ZFPM1: variants seen among roughly 807,000 people sequenced by gnomAD.
ZFPM1 encodes zinc finger protein ZFPM1.
In ZFPM1, 28 loss-of-function variants were observed where a neutral mutation model predicts 46.3. The ratio of observed to expected loss-of-function variants is 0.60; its 90% CI spans 0.45 to 0.83. The LOEUF is 0.83. Among genes scored for constraint, ZFPM1 ranks in the 40% least tolerant of loss-of-function variants. The pLI, the probability that ZFPM1 is intolerant of heterozygous loss-of-function variation, is 0.00. For missense variants in ZFPM1, 1,878 were observed against 1,432.4 expected, an observed-to-expected ratio of 1.31 and a Z score of -5.02; for synonymous variants, 957 against 675.9, an observed-to-expected ratio of 1.42 and a Z score of -6.45.
At chr16:88,532,284 C>A (rs750717841) in intron 7 of ZFPM1, 49 bp downstream of exon 7, 26 of 1,513,598 alleles carry the variant, frequency 1.7e-5, no homozygotes, top group East Asian at 2.3e-5. Context: ...GCTGCTTCCC[C>A]ACCCAGTCCC....
rs558530910 is a variant in ZFPM1 at position 88,489,132 on chromosome 16, G to A, written c.247G>A (p.Gly83Ser). Residue 83 changes from glycine to serine, a missense_variant, in exon 3 of 10, where the codon GGC (glycine) becomes AGC (serine). Gly to Ser is a moderately conservative substitution (Grantham distance 56). Transcript: ENST00000319555. ...PEPRPTEEEP[G>S]SPWSGPDELE... ...ACCCAGGCCCACGGAGGAAGAGCCG[G>A]GCAGTCCCTGGAGCGGGCCAGGTAA... The A allele has an allele frequency of 2.7e-5, 43 of 1,608,078 alleles. No individual in the cohort carries two copies. In the African/African-American group the frequency reaches 3.1e-4, roughly 11 times the overall value.
chr16:88,528,542 C>T (rs960137500), intron 6 of ZFPM1, among the ~76,000 whole-genome samples: 4 of 152,184 alleles, frequency 2.6e-5, no homozygotes, highest in South Asian at 2.1e-4. Context: ...TGGGGGCAGA[C>T]GCGGGGGCGG....
chr16:88,516,470 C>G (rs1911304542), intron 4 of ZFPM1: 1 of 398,284 alleles, frequency 2.5e-6, no homozygotes, highest in African/African-American at 2.1e-5. Context: ...TGTGGGGAGC[C>G]CGGGGAGGAA....
chr16:88,525,185 C>G (rs1597280652), intron 4 of ZFPM1, among the ~76,000 whole-genome samples: 1 of 152,346 alleles, frequency 6.6e-6, no homozygotes, highest in East Asian at 1.9e-4. Flanking sequence ...GTGCCCTGCC[C>G]AAGGTCGCAG....
chr16:88,517,077 G>A (rs1234504555), intron 4 of ZFPM1, among the ~76,000 whole-genome samples: 1 of 152,324 alleles, frequency 6.6e-6, no homozygotes, highest in African/African-American at 2.4e-5. Flanking sequence ...CCACGCCAGG[G>A]GTTGGAGGAA....
chr16:88,506,108 C>T (rs567735714), intron 3 of ZFPM1, among the ~76,000 whole-genome samples: 1 of 152,292 alleles, frequency 6.6e-6, no homozygotes, highest in Admixed American at 6.5e-5. Flanking sequence ...CTCCAGGGTG[C>T]TCTGAGGTTT....
intron 1 of ZFPM1, among the ~76,000 whole-genome samples, chr16:88,458,486 AAGG>A (rs746440545): frequency 6.6e-6 from 1 of 152,336 alleles, no homozygotes; most frequent in Middle Eastern, 3.4e-3. Flanking sequence ...TTGGAGAAGA[AAGG>A]AGGAGGGAAT....
chr16:88,520,223 G>C (rs1057073620), intron 4 of ZFPM1, among the ~76,000 whole-genome samples: 9 of 150,956 alleles, frequency 6.0e-5, no homozygotes, highest in African/African-American at 2.2e-4. Context: ...CAGATGAGTA[G>C]GTAGATGGAT....
chr16:88,491,079 G>A (rs992795719), intron 3 of ZFPM1, among the ~76,000 whole-genome samples: 1 of 151,082 alleles, frequency 6.6e-6, no homozygotes, highest in South Asian at 2.1e-4. Flanking sequence ...GCCTTCGCGG[G>A]TCCCAGTCAG....
At chr16:88,460,283 C>T (rs1402788436) in intron 1 of ZFPM1, among the ~76,000 whole-genome samples, 2 of 152,178 alleles carry the variant, frequency 1.3e-5, no homozygotes, top group Non-Finnish European at 2.9e-5. Context: ...GTTGGCAGGG[C>T]CCGGAGAGCA....
rs746715416 is a variant in ZFPM1 at position 88,532,598 on chromosome 16, G to C, written c.947-16G>C. On this transcript the variant is annotated splice_polypyrimidine_tract_variant and intron_variant, in intron 7 of 9. Coordinates refer to ENST00000319555, the MANE Select transcript of ZFPM1 (RefSeq NM_153813.3). ...AAGCTGGCCCGGGCACCGCTCTTAC[G>C]CGCCCTGTGTTCCAGGAGAGCGGCC... The C allele has an allele frequency of 6.4e-7, 1 of 1,554,162 alleles. No individual in the cohort carries two copies. The highest frequency in any genetic ancestry group is 1.2e-5 in the South Asian group (1 of 84,686).
chr16:88,470,358 G>A (rs1284527675), intron 1 of ZFPM1, among the ~76,000 whole-genome samples: 4 of 152,196 alleles, frequency 2.6e-5, no homozygotes, highest in East Asian at 1.9e-4. Flanking sequence ...GCTGTGTGCT[G>A]GGCATGGTCC....
intron 3 of ZFPM1, among the ~76,000 whole-genome samples, chr16:88,498,700 C>A (rs532742605): frequency 6.6e-6 from 1 of 152,356 alleles, no homozygotes; most frequent in African/African-American, 2.4e-5. Context: ...GCCGGGGGCA[C>A]CCCTCTAATC....
intron 3 of ZFPM1, among the ~76,000 whole-genome samples, chr16:88,494,382 A>G (rs1909806949): frequency 1.3e-5 from 2 of 152,148 alleles, no homozygotes; most frequent in East Asian, 3.9e-4. Flanking sequence ...TCCAGGTGGA[A>G]GCCGGAAGGG....
At chr16:88,487,542 G>T (rs1909301060) in intron 2 of ZFPM1, among the ~76,000 whole-genome samples, 1 of 152,146 alleles carries the variant, frequency 6.6e-6, no homozygotes, top group Non-Finnish European at 1.5e-5. Flanking sequence ...GGGGGTGGGG[G>T]AGAGGTTTCA....
chr16:88,533,190 G>A lies in ZFPM1; in HGVS notation c.1232G>A (p.Gly411Asp), dbSNP rs560441822. Reference sequence around the variant, plus strand: ...CAGCAGCAGCACACGGCCCTGCAAGGCCCCCTGGCCTCCGCGGACCTGGGC... The same window carrying A: ...CAGCAGCAGCACACGGCCCTGCAAGACCCCCTGGCCTCCGCGGACCTGGGC... The part of the protein sequence containing the change: ...SFQQQHTALQ[G>D]PLASADLGLA... The change falls in exon 10 of 10, where the codon GGC becomes GAC. Residue 411 changes from glycine to aspartate, a missense_variant. Coordinates refer to ENST00000319555, the MANE Select transcript of ZFPM1 (RefSeq NM_153813.3). The A allele has an allele frequency of 1.4e-5, 21 of 1,533,490 alleles. No individual in the cohort carries two copies. Among genetic ancestry groups the A allele is most frequent in the Admixed American group, 2.1e-5 (1 of 48,024 alleles). The allele number at this position is 1,533,490 out of a possible 1,614,324, so 95.0% of individuals were successfully genotyped here. A position where few individuals can be genotyped will look rare whatever the true frequency, so the allele number is the denominator to read the frequency against.
chr16:88,456,730 C>A (rs372214411), intron 1 of ZFPM1, among the ~76,000 whole-genome samples: 1 of 152,082 alleles, frequency 6.6e-6, no homozygotes, highest in South Asian at 2.1e-4. Context: ...CGAGTGAGGT[C>A]GGGAGTGATG....
intron 1 of ZFPM1, among the ~76,000 whole-genome samples, chr16:88,482,992 G>A (rs948278037): frequency 1.3e-5 from 2 of 152,178 alleles, no homozygotes; most frequent in Non-Finnish European, 2.9e-5. Context: ...GAGGGCACTC[G>A]GGTTGGGCCT....
At chr16:88,508,463 C>G (rs1910778454) in intron 3 of ZFPM1, among the ~76,000 whole-genome samples, 1 of 152,250 alleles carries the variant, frequency 6.6e-6, no homozygotes, top group African/African-American at 2.4e-5. Flanking sequence ...GCTTCCGTGG[C>G]TGCAGAGCAG....
Sources: allele counts gnomAD v4.1 joint callset (sites outside exome capture counted in the v4.1 genomes callset), GRCh38; gene constraint gnomAD v4.1.1; transcripts MANE v1.5; gene names NCBI Gene and HGNC (gene_info 2026-07-23, HGNC 2026-07-21).